The following SYT1 variants were observed in gnomAD, a reference collection of about 807,000 sequenced individuals.
SYT1 encodes synaptotagmin-1.
SYT1 carries 8 observed loss-of-function variants against 44.8 expected under a neutral mutation model. The ratio of observed to expected loss-of-function variants is 0.18; its 90% CI spans 0.10 to 0.32. The LOEUF (loss-of-function observed/expected upper bound fraction) is 0.32. SYT1 is among the 10% of genes least tolerant of loss of function. SYT1 has a pLI of 1.00. For missense variants in SYT1, 286 were observed against 509.3 expected, an observed-to-expected ratio of 0.56 and a Z score of 4.22; for synonymous variants, 154 against 188.8, an observed-to-expected ratio of 0.82 and a Z score of 1.51.
chr12:78,990,158 T>C (rs1379462089), intron 2 of SYT1, among the ~76,000 whole-genome samples: 1 of 152,126 alleles, frequency 6.6e-6, no homozygotes, highest in Non-Finnish European at 1.5e-5. Context: ...CTGAATGTCT[T>C]AGATGCCTGT....
At chr12:79,089,472 C>T (rs1306247865) in intron 3 of SYT1, among the ~76,000 whole-genome samples, 1 of 141,894 alleles carries the variant, frequency 7.0e-6, no homozygotes, top group East Asian at 2.1e-4. Context: ...GCTTGCCACT[C>T]AGTAATCACT....
intron 8 of SYT1, among the ~76,000 whole-genome samples, chr12:79,348,684 T>C (rs1234938907): frequency 6.6e-6 from 1 of 152,112 alleles, no homozygotes; most frequent in African/African-American, 2.4e-5. Flanking sequence ...TCAGAAAATA[T>C]GACAGAAATG....
At chr12:79,361,386 T>C (rs1472225334) in intron 9 of SYT1, among the ~76,000 whole-genome samples, 1 of 152,178 alleles carries the variant, frequency 6.6e-6, no homozygotes, top group Non-Finnish European at 1.5e-5. Flanking sequence ...CAGACTCCAA[T>C]GAATAAAACC....
rs1447537865 is a variant in SYT1, at chr12:79,349,025, AAG to A, written c.811-4475_811-4474del. On this transcript the variant is annotated intron_variant, in intron 8 of 10. Coordinates refer to ENST00000261205, the MANE Select transcript of SYT1 (RefSeq NM_005639.3). Reference sequence around the variant, plus strand: ...AAAGAAAGAAAGAAAGAAAGAAAGAAAGAAAGAAAAAGAAAGAAAGAAAGAAA... The same window carrying A: ...AAAGAAAGAAAGAAAGAAAGAAAGAAAAAGAAAAAGAAAGAAAGAAAGAAA... Among the ~76,000 whole-genome samples the A allele has an allele frequency of 4.0e-3, 528 of 132,594 alleles. 2 individuals carry two copies. The highest frequency in any genetic ancestry group is 0.034 in the Middle Eastern group (9 of 266). The allele number at this position is 132,594 out of a possible 152,430, so 87.0% of individuals were successfully genotyped here.
chr12:79,425,995 T>C (rs1249568470), intron 9 of SYT1, among the ~76,000 whole-genome samples: 1 of 152,144 alleles, frequency 6.6e-6, no homozygotes, highest in African/African-American at 2.4e-5. Context: ...CAATAAAGAT[T>C]GTTAACTCTC....
intron 8 of SYT1, among the ~76,000 whole-genome samples, chr12:79,346,422 G>A (rs1437946220): frequency 2.6e-5 from 4 of 152,248 alleles, no homozygotes; most frequent in East Asian, 3.9e-4. Flanking sequence ...GAATCTCACA[G>A]CTGGAACTTT....
chr12:79,399,276 T>C (rs1593033927), intron 9 of SYT1, among the ~76,000 whole-genome samples: 1 of 150,142 alleles, frequency 6.7e-6, no homozygotes, highest in East Asian at 2.0e-4. Context: ...ACAAGTCATC[T>C]GCAGTAATTT....
At chr12:78,893,409 T>G (rs1875161951) in intron 1 of SYT1, among the ~76,000 whole-genome samples, 2 of 151,782 alleles carry the variant, frequency 1.3e-5, no homozygotes, top group Non-Finnish European at 2.9e-5. Flanking sequence ...GAATCAATGT[T>G]AAGCATAACT....
In SYT1 at chr12:79,449,621, A is replaced by ACAT. The variant is rs1870934291; in HGVS notation, c.*499_*501dup. 1 of 153,294 alleles carries ACAT rather than the reference A, an allele frequency of 6.5e-6. No individual in the cohort carries two copies. The highest frequency in any genetic ancestry group is 1.5e-5 in the Non-Finnish European group (1 of 68,518). 9.5% of individuals were successfully genotyped at this position (153,294 alleles called of 1,614,324 possible). A position where few individuals can be genotyped will look rare whatever the true frequency, so the allele number is the denominator to read the frequency against. On this transcript the variant is annotated 3_prime_UTR_variant, in exon 11 of 11. Transcript: ENST00000261205. Reference sequence around the variant, plus strand: ...GTAAGGCACTAGTACAGTTAAACTGACATCTTAAAGGACAACTTAAACCTG... The same window carrying ACAT: ...GTAAGGCACTAGTACAGTTAAACTGACATCATCTTAAAGGACAACTTAAACCTG...
intron 1 of SYT1, among the ~76,000 whole-genome samples, chr12:78,953,738 A>G (rs1245229157): frequency 6.6e-6 from 1 of 152,112 alleles, no homozygotes; most frequent in Non-Finnish European, 1.5e-5. Context: ...ATATTTAGAA[A>G]GAAAGAACTT....
At position 79,062,749 on chromosome 12, in the gene SYT1, T is replaced by A. The variant is rs530844987; in HGVS notation, c.-18+15387T>A. Among the ~76,000 whole-genome samples, 8 of 152,306 alleles carry A rather than the reference T, an allele frequency of 5.3e-5. No individual in the cohort carries two copies. In the South Asian group the frequency reaches 1.0e-3, roughly 20 times the overall value. Reference sequence around the variant, plus strand: ...TGTTAGTACAATTTAAAAGAATCACTTCTGTGAGATTTTCCTAAAATGATG... The same window carrying A: ...TGTTAGTACAATTTAAAAGAATCACATCTGTGAGATTTTCCTAAAATGATG... On this transcript the variant is annotated intron_variant, in intron 3 of 10. Transcript: ENST00000261205.
At chr12:78,868,591 C>T (rs1211088207) in intron 1 of SYT1, 1 of 151,640 alleles carries the variant, frequency 6.6e-6, no homozygotes, top group Non-Finnish European at 1.5e-5. Context: ...TATACATATG[C>T]ATATATTTGT....
chr12:79,137,399 A>C (rs1272549356), intron 3 of SYT1, among the ~76,000 whole-genome samples: 4 of 152,066 alleles, frequency 2.6e-5, no homozygotes, highest in Non-Finnish European at 1.5e-5. Context: ...CCCGGCCAGA[A>C]CTTTTTTATA....
intron 4 of SYT1, among the ~76,000 whole-genome samples, chr12:79,275,715 C>G (rs937753100): frequency 2.6e-5 from 4 of 152,144 alleles, no homozygotes; most frequent in African/African-American, 9.7e-5. Context: ...TTGCATTTAC[C>G]CAGCTGCTTC....
At chr12:79,335,914 T>C (rs553570494) in intron 8 of SYT1, among the ~76,000 whole-genome samples, 1 of 152,354 alleles carries the variant, frequency 6.6e-6, no homozygotes, top group Admixed American at 6.5e-5. Flanking sequence ...GTTCCATACT[T>C]ATGTTTCCCT....
At chr12:79,384,681 T>G (rs1482062486) in intron 9 of SYT1, among the ~76,000 whole-genome samples, 1 of 152,214 alleles carries the variant, frequency 6.6e-6, no homozygotes, top group Admixed American at 6.5e-5. Context: ...CACCATCCAC[T>G]GACAGCCAAA....
intron 3 of SYT1, among the ~76,000 whole-genome samples, chr12:79,179,713 C>A (rs996507458): frequency 2.0e-5 from 3 of 151,708 alleles, no homozygotes; most frequent in Non-Finnish European, 4.4e-5. Context: ...AGCCACCATG[C>A]CTGGCTGAAA....
At chr12:79,138,944 C>A (rs1869378008) in intron 3 of SYT1, among the ~76,000 whole-genome samples, 1 of 152,162 alleles carries the variant, frequency 6.6e-6, no homozygotes, top group Non-Finnish European at 1.5e-5. Context: ...TTTTAAAAAT[C>A]AGAATTTATC....
At chr12:79,159,807 T>C (rs1221358718) in intron 3 of SYT1, among the ~76,000 whole-genome samples, 1 of 152,022 alleles carries the variant, frequency 6.6e-6, no homozygotes, top group Non-Finnish European at 1.5e-5. Context: ...GAAAGAAAAA[T>C]ACTTCCAGTT....
Sources: gnomAD v4.1 joint callset for allele counts (sites outside exome capture counted in the v4.1 genomes callset) on GRCh38, gnomAD v4.1.1 for gene constraint, MANE v1.5 for transcripts, NCBI Gene and HGNC (gene_info 2026-07-23, HGNC 2026-07-21) for gene names.